The following RAI1 variants were observed in gnomAD, a reference collection of about 807,000 sequenced individuals.
RAI1 encodes retinoic acid induced 1.
RAI1 carries 9 observed loss-of-function variants against 123.8 expected under a neutral mutation model. The observed-to-expected ratio is 0.07, with a 90% CI of 0.04 to 0.13. RAI1 has a LOEUF of 0.13. Ranked by LOEUF, RAI1 falls within the 10% of genes least tolerant of loss-of-function variation. RAI1 has a pLI of 1.00. For synonymous variants in RAI1, 1,231 were observed against 1,127.3 expected, an observed-to-expected ratio of 1.09 and a Z score of -1.84; for missense variants, 2,256 against 2,545.8, an observed-to-expected ratio of 0.89 and a Z score of 2.45.
intron 2 of RAI1, chr17:17,779,348 G>A (rs2031476223): frequency 1.1e-5 from 2 of 183,850 alleles, no homozygotes; most frequent in Admixed American, 1.1e-4. Context: ...TCCTAGGCCC[G>A]TAGTAAATGG....
At chr17:17,747,059 A>G (rs1272575267) in intron 2 of RAI1, among the ~76,000 whole-genome samples, 1 of 152,196 alleles carries the variant, frequency 6.6e-6, no homozygotes, top group African/African-American at 2.4e-5. Flanking sequence ...CCCATTTCTT[A>G]TTAATCAAAG....
At chr17:17,784,305 A>G (rs2031740643) in intron 2 of RAI1, among the ~76,000 whole-genome samples, 1 of 152,160 alleles carries the variant, frequency 6.6e-6, no homozygotes, top group South Asian at 2.1e-4. Context: ...AAGGCAGGGA[A>G]GCGAGGGGCG....
chr17:17,705,983 C>A (rs969031405), intron 1 of RAI1, among the ~76,000 whole-genome samples: 2 of 145,436 alleles, frequency 1.4e-5, no homozygotes, highest in Non-Finnish European at 3.0e-5. Context: ...GAGATCGCAC[C>A]ACTGCACTCC....
chr17:17,770,238 T>G (rs2031098198), intron 2 of RAI1, among the ~76,000 whole-genome samples: 1 of 147,462 alleles, frequency 6.8e-6, no homozygotes, highest in African/African-American at 2.5e-5. Context: ...CAAAGGGCGG[T>G]GGGGTGGCTG....
chr17:17,791,256 C>T (rs932034112), intron 2 of RAI1, among the ~76,000 whole-genome samples: 3 of 152,214 alleles, frequency 2.0e-5, no homozygotes, highest in African/African-American at 7.2e-5. Flanking sequence ...TCTGGCTGCC[C>T]TGGGCTTGCC....
intron 2 of RAI1, among the ~76,000 whole-genome samples, chr17:17,785,840 T>C (rs552801083): frequency 1.9e-4 from 29 of 152,310 alleles, no homozygotes; most frequent in African/African-American, 7.0e-4. Context: ...CTGGGTGCCA[T>C]CGAGCCCATG....
At chr17:17,709,089 G>A (rs1915482112) in intron 1 of RAI1, among the ~76,000 whole-genome samples, 2 of 152,086 alleles carry the variant, frequency 1.3e-5, no homozygotes, top group Admixed American at 6.5e-5. Flanking sequence ...TCCCGGCCTG[G>A]GATTTTTCCC....
At chr17:17,730,049 A>G (rs1225742429) in intron 2 of RAI1, among the ~76,000 whole-genome samples, 1 of 152,174 alleles carries the variant, frequency 6.6e-6, no homozygotes, top group African/African-American at 2.4e-5. Flanking sequence ...CTGTTCCCCA[A>G]GGCAGAACTG....
intron 2 of RAI1, among the ~76,000 whole-genome samples, chr17:17,789,668 T>C (rs1482070251): frequency 6.6e-6 from 1 of 152,138 alleles, no homozygotes; most frequent in Non-Finnish European, 1.5e-5. Flanking sequence ...AAGACTAAGT[T>C]CCAGGATCTG....
intron 2 of RAI1, among the ~76,000 whole-genome samples, chr17:17,774,132 CAT>C (rs1255445048): frequency 3.3e-5 from 5 of 152,168 alleles, no homozygotes; most frequent in African/African-American, 9.7e-5. Flanking sequence ...GGGCCCAACA[CAT>C]GTCTGGTAGG....
intron 1 of RAI1, among the ~76,000 whole-genome samples, chr17:17,721,751 C>A (rs1915889501): frequency 6.6e-6 from 1 of 152,208 alleles, no homozygotes; most frequent in Non-Finnish European, 1.5e-5. Context: ...GACTGAGTGA[C>A]CCTGGTCCCC....
Position 17,690,697 on chromosome 17 carries a change from A to G in RAI1, c.-149+8904A>G, listed in dbSNP as rs989183985. On this transcript the variant is annotated intron_variant, in intron 1 of 5. Coordinates refer to ENST00000353383, the MANE Select transcript of RAI1 (RefSeq NM_030665.4). ...GATAATCAGAATTCTCAGACAATGTAAAGTAAAAACCACCTGAAAGATTTC... is the reference window on the plus strand; with the variant it reads ...GATAATCAGAATTCTCAGACAATGTGAAGTAAAAACCACCTGAAAGATTTC... 6.2e-4 allele frequency among the ~76,000 whole-genome samples: 95 copies of G among 152,360 alleles called. 1 individual carries two copies. Among genetic ancestry groups the G allele is most frequent in the East Asian group, 5.8e-4 (3 of 5,188 alleles).
intron 1 of RAI1, among the ~76,000 whole-genome samples, chr17:17,691,072 T>A (rs1914820719): frequency 6.6e-6 from 1 of 152,190 alleles, no homozygotes; most frequent in Non-Finnish European, 1.5e-5. Flanking sequence ...AATCACATGT[T>A]CTATTAGAAG....
chr17:17,784,209 C>T (rs1334328877), intron 2 of RAI1, among the ~76,000 whole-genome samples: 1 of 152,144 alleles, frequency 6.6e-6, no homozygotes, highest in African/African-American at 2.4e-5. Context: ...GCCAATTCCC[C>T]GCTCCCCCAG....
rs794727524 is a variant in RAI1, at chr17:17,796,876, T to C, written c.3928T>C (p.Phe1310Leu). Residue 1310 changes from phenylalanine to leucine, a missense_variant, in exon 3 of 6, where the codon TTC becomes CTC. Around this residue, in one of 7 missense-constraint regions of RAI1, gnomAD observed 322 missense variants for 358.0 expected, o/e 0.90. Transcript: ENST00000353383. This position sits in a 1 kb window ranked among gnomAD's most constrained non-coding sequence, Gnocchi z 5.8. ...ACLKLASRAAFQGAMKTKVLP... is the reference protein window; with the variant it reads ...ACLKLASRAALQGAMKTKVLP... Reference sequence around the variant, plus strand: ...CCTCAAGCTCGCCTCTCGGGCAGCCTTCCAGGGGGCCATGAAGACCAAGGT... The same window carrying C: ...CCTCAAGCTCGCCTCTCGGGCAGCCCTCCAGGGGGCCATGAAGACCAAGGT... 1.5e-5 allele frequency: 25 copies of C among 1,613,104 alleles called. No homozygotes were observed. The highest frequency in any genetic ancestry group is 1.9e-5 in the Non-Finnish European group (23 of 1,179,958).
chr17:17,803,999 C>T, intron 4 of RAI1, 150 bp downstream of exon 4: 1 of 808,850 alleles, frequency 1.2e-6, no homozygotes, highest in East Asian at 2.7e-5. Context: ...ATCCTTCTGT[C>T]TGCCTAGACC....
intron 2 of RAI1, among the ~76,000 whole-genome samples, chr17:17,780,193 G>A (rs1178033900): frequency 6.6e-6 from 1 of 151,470 alleles, no homozygotes; most frequent in African/African-American, 2.4e-5. Flanking sequence ...AGCCTCCCGA[G>A]TAGCTGGAAT....
chr17:17,775,935 T>A (rs2031329908), intron 2 of RAI1, among the ~76,000 whole-genome samples: 1 of 152,260 alleles, frequency 6.6e-6, no homozygotes, highest in African/African-American at 2.4e-5. Flanking sequence ...TACCTGGCCC[T>A]GGCAGCAGCA....
chr17:17,758,012 G>A (rs1476269916), intron 2 of RAI1, among the ~76,000 whole-genome samples: 1 of 152,136 alleles, frequency 6.6e-6, no homozygotes, highest in Non-Finnish European at 1.5e-5. Flanking sequence ...CTCCTACCTC[G>A]CCCCCACCCT....
Sources: gnomAD v4.1 joint callset for allele counts (sites outside exome capture counted in the v4.1 genomes callset) on GRCh38, gnomAD v4.1.1 for gene constraint, gnomAD v4.1.1 regional missense constraint, Gnocchi (gnomAD v3.1) non-coding constraint, MANE v1.5 for transcripts, NCBI Gene and HGNC (gene_info 2026-07-23, HGNC 2026-07-21) for gene names.